HEPHL1: variants seen among roughly 807,000 people sequenced by gnomAD.
HEPHL1 encodes ferroxidase HEPHL1.
In HEPHL1, 123 loss-of-function variants were observed where a neutral mutation model predicts 122.0. That is an observed-to-expected ratio of 1.01 (90% CI 0.87 to 1.17). The LOEUF (loss-of-function observed/expected upper bound fraction) is 1.17, where lower values mean the gene tolerates loss of function less well. Among genes scored for constraint, HEPHL1 ranks in the 50% most tolerant of loss-of-function variants. HEPHL1 has a pLI of 0.00. For synonymous variants in HEPHL1, 527 were observed against 508.9 expected (o/e 1.04, Z -0.48); for missense variants, 1,452 against 1,430.5 (o/e 1.01, Z -0.24).
intron 13 of HEPHL1, among the ~76,000 whole-genome samples, 155 bp from the exon 14 acceptor site, chr11:94,101,040 T>C (rs1308413966): frequency 2.0e-5 from 3 of 152,214 alleles, no homozygotes; most frequent in Non-Finnish European, 2.9e-5. Flanking sequence ...TACTACACAA[T>C]GTTGCTCTCT....
chr11:94,027,614 C>T (rs1945637289), intron 1 of HEPHL1, among the ~76,000 whole-genome samples: 1 of 152,224 alleles, frequency 6.6e-6, no homozygotes, highest in Admixed American at 6.5e-5. Flanking sequence ...GATAGCTCTA[C>T]CATGGTCACT....
In HEPHL1 at chr11:94,056,657, TTATCTATC is replaced by T. The variant is rs1555061044; in HGVS notation, c.416-6807_416-6800del. Among the ~76,000 whole-genome samples the T allele has an allele frequency of 1.4e-3, 160 of 111,912 alleles. 1 individual carries two copies. Among genetic ancestry groups the T allele is most frequent in the African/African-American group, 4.9e-3 (155 of 31,698 alleles). The allele number at this position is 111,912 out of a possible 152,430, so 73.4% of individuals were successfully genotyped here. A position where few individuals can be genotyped will look rare whatever the true frequency, so the allele number is the denominator to read the frequency against. ...TCCCCCTCCTTTGTGCTATTATTGA[TTATCTATC>T]TATCTATCTATCTATCTATCTATCT... On this transcript the variant is annotated intron_variant, in intron 2 of 19. Transcript: ENST00000315765.
chr11:94,073,535 C>A, intron 8 of HEPHL1, 96 bp downstream of exon 8: 1 of 1,252,476 alleles, frequency 8.0e-7, no homozygotes, highest in Non-Finnish European at 1.1e-6. Flanking sequence ...CTTTCCATTA[C>A]CTGCCCTGAG....
At chr11:94,039,478 T>A (rs1216200743) in intron 1 of HEPHL1, among the ~76,000 whole-genome samples, 2 of 149,078 alleles carry the variant, frequency 1.3e-5, no homozygotes, top group African/African-American at 4.9e-5. Context: ...GAAGTAAAGC[T>A]CTCCTCAGCA....
chr11:94,038,055 G>C (rs1322529046), intron 1 of HEPHL1, among the ~76,000 whole-genome samples: 1 of 147,368 alleles, frequency 6.8e-6, no homozygotes, highest in South Asian at 2.2e-4. Context: ...ACCAAGGCTC[G>C]AGAACTATGT....
At chr11:94,059,085 A>T (rs1266020921) in intron 2 of HEPHL1, among the ~76,000 whole-genome samples, 1 of 152,124 alleles carries the variant, frequency 6.6e-6, no homozygotes, top group Non-Finnish European at 1.5e-5. Flanking sequence ...ATTTCTATGA[A>T]TTTTTCACAG....
Position 94,111,059 on chromosome 11 carries a change from A to T in HEPHL1, c.3202A>T (p.Asn1068Tyr). The change falls in exon 18 of 20, where the codon AAC becomes TAC. Residue 1068 changes from asparagine (N) to tyrosine (Y), a missense_variant. Asn to Tyr is a moderately radical substitution (Grantham distance 143). Coordinates refer to ENST00000315765, the MANE Select transcript of HEPHL1 (RefSeq NM_001098672.2). The stretch of plus-strand genomic sequence containing the variant: ...GGAGACAACCTACACGGTCCTTCGT[A>T]ACATAGGTACGGTTGTCTGTCAGTG... ...GMETTYTVLR[N>Y]IDNRIPYSTT... 6.3e-7 allele frequency: 1 copy of T among 1,587,164 alleles called. No individual in the cohort carries two copies. The highest frequency in any genetic ancestry group is 8.6e-7 in the Non-Finnish European group (1 of 1,164,962).
chr11:94,066,168 TG>T (rs1946032919), intron 4 of HEPHL1, among the ~76,000 whole-genome samples: 1 of 152,198 alleles, frequency 6.6e-6, no homozygotes, highest in African/African-American at 2.4e-5. Context: ...CACCCCAGCC[TG>T]GGTGACAGAG....
intron 5 of HEPHL1, among the ~76,000 whole-genome samples, chr11:94,069,641 A>T (rs1185997535): frequency 6.6e-6 from 1 of 152,186 alleles, no homozygotes; most frequent in African/African-American, 2.4e-5. Context: ...TTACTTCATC[A>T]TGGTTAATAC....
At chr11:94,027,161 G>A (rs182339678) in intron 1 of HEPHL1, among the ~76,000 whole-genome samples, 19 of 152,120 alleles carry the variant, frequency 1.2e-4, no homozygotes, top group Admixed American at 3.3e-4. Context: ...TCATATCGTC[G>A]TCTTCTCTCT....
chr11:94,108,183 G>T (rs1946423324), intron 17 of HEPHL1, among the ~76,000 whole-genome samples: 1 of 151,938 alleles, frequency 6.6e-6, no homozygotes, highest in African/African-American at 2.4e-5. Context: ...TCATGTGTTT[G>T]TTTACCATCT....
intron 9 of HEPHL1, among the ~76,000 whole-genome samples, chr11:94,076,409 A>G (rs1489056179): frequency 6.6e-6 from 1 of 152,188 alleles, no homozygotes. Context: ...TTTCCAATGC[A>G]TCCTCTTGCT....
intron 1 of HEPHL1, among the ~76,000 whole-genome samples, chr11:94,033,285 C>T (rs564439436): frequency 6.6e-6 from 1 of 152,188 alleles, no homozygotes; most frequent in Middle Eastern, 3.4e-3. Flanking sequence ...TGCTGCAGGC[C>T]CATATGAATT....
intron 1 of HEPHL1, among the ~76,000 whole-genome samples, chr11:94,037,017 G>A (rs1182033255): frequency 1.2e-4 from 18 of 152,288 alleles, no homozygotes; most frequent in Admixed American, 2.0e-4. Context: ...TGCGCGCACC[G>A]TGCACGAGCC....
intron 5 of HEPHL1, among the ~76,000 whole-genome samples, chr11:94,069,277 C>T (rs1212664082): frequency 6.6e-6 from 1 of 152,038 alleles, no homozygotes; most frequent in Non-Finnish European, 1.5e-5. Flanking sequence ...TTAGAAAATA[C>T]ATATAATTGG....
intron 2 of HEPHL1, among the ~76,000 whole-genome samples, chr11:94,061,610 G>A (rs1020209546): frequency 6.6e-6 from 1 of 152,084 alleles, no homozygotes; most frequent in Non-Finnish European, 1.5e-5. Flanking sequence ...CCTATGTCCT[G>A]TTCCTCTATC....
Position 94,112,671 on chromosome 11 carries a change from C to G in HEPHL1, c.*777C>G, listed in dbSNP as rs183551579. 2 of 152,296 alleles carry G rather than the reference C, an allele frequency of 1.3e-5. No individual in the cohort carries two copies. The highest frequency in any genetic ancestry group is 3.9e-4 in the East Asian group (2 of 5,186). 9.4% of individuals were successfully genotyped at this position (152,296 alleles called of 1,614,324 possible). ...AAGTAGAGAAATTGTATTTCTACTG[C>G]AGACTGTGGGAGGGCTGAAATCTGT... is the stretch of plus-strand genomic sequence containing the variant. On this transcript the variant is annotated 3_prime_UTR_variant, in exon 20 of 20. Transcript: ENST00000315765.
intron 16 of HEPHL1, among the ~76,000 whole-genome samples, chr11:94,105,332 T>C (rs1223391045): frequency 1.3e-5 from 2 of 152,192 alleles, no homozygotes; most frequent in Admixed American, 1.3e-4. Flanking sequence ...TGATTCCCCA[T>C]TCAGCTACTC....
At chr11:94,105,917 ATCT>A (rs1327094564) in intron 16 of HEPHL1, 71 bp from the exon 17 acceptor site, 1 of 1,024,426 alleles carries the variant, frequency 9.8e-7, no homozygotes, top group Admixed American at 2.6e-5. Context: ...TGACCTAAAG[ATCT>A]TCTGGAAACA....
Sources: gnomAD v4.1 joint callset for allele counts (sites outside exome capture counted in the v4.1 genomes callset) on GRCh38, gnomAD v4.1.1 for gene constraint, MANE v1.5 for transcripts, NCBI Gene and HGNC (gene_info 2026-07-23, HGNC 2026-07-21) for gene names.